Variants in WDR44 observed in about 807,000 individuals in gnomAD.
WDR44 encodes WD repeat domain 44, also known as WD repeat-containing protein 44.
A neutral mutation model predicts 65.7 loss-of-function variants in WDR44; 9 were observed. The observed-to-expected ratio is 0.14, with a 90% CI of 0.08 to 0.24. The LOEUF is 0.24. Among genes scored for constraint, WDR44 ranks in the 10% least tolerant of loss-of-function variants. The probability of loss-of-function intolerance (pLI) is 1.00; values close to 1 mark genes in which losing one functional copy is unlikely to be tolerated. For synonymous variants in WDR44, 220 were observed against 235.2 expected (o/e 0.94, Z 0.59); for missense variants, 425 against 670.9 (o/e 0.63, Z 4.05).
intron 12 of WDR44, among the ~76,000 whole-genome samples, chrX:118,430,404 C>T (rs1213946000): frequency 1.4e-4 from 15 of 104,656 alleles, no homozygotes; most frequent in African/African-American, 4.5e-4. Flanking sequence ...TAGCCAGGCA[C>T]GGTGGCAGGC....
At chrX:118,444,289 T>C in intron 18 of WDR44, 71 bp from the exon 19 acceptor site, 1 of 1,081,749 alleles carries the variant, frequency 9.2e-7, no homozygotes, top group Non-Finnish European at 1.2e-6. Context: ...ATATTTGGCA[T>C]ATAACATACA....
At chrX:118,447,000 G>A (rs1215911076) in intron 19 of WDR44, 1 of 301,337 alleles carries the variant, frequency 3.3e-6, no homozygotes, top group Non-Finnish European at 6.2e-6. Context: ...ATCCCGAGTA[G>A]CTAGGACTAC....
intron 12 of WDR44, among the ~76,000 whole-genome samples, chrX:118,432,038 A>G (rs1602966642): frequency 8.9e-6 from 1 of 111,934 alleles, no homozygotes; most frequent in East Asian, 2.8e-4. Context: ...CATGTATGGC[A>G]TTATTTTCTA....
intron 12 of WDR44, among the ~76,000 whole-genome samples, chrX:118,412,303 G>C (rs1354204027): frequency 9.0e-6 from 1 of 111,633 alleles, no homozygotes; most frequent in Non-Finnish European, 1.9e-5. Flanking sequence ...ATGACTTTTT[G>C]TGATGAACCA....
intron 19 of WDR44, among the ~76,000 whole-genome samples, chrX:118,447,951 A>G (rs1383784583): frequency 1.0e-5 from 1 of 100,246 alleles, no homozygotes; most frequent in Admixed American, 1.1e-4. Flanking sequence ...AATGCCTGGC[A>G]TGTAGTAGGC....
chrX:118,398,530 C>G (rs2056885444), intron 8 of WDR44, 60 bp downstream of exon 8: 2 of 940,855 alleles, frequency 2.1e-6, no homozygotes, highest in Non-Finnish European at 3.0e-6. Context: ...AATATGAGAA[C>G]TACCATACTA....
chrX:118,433,490 T>A (rs1425963381), intron 13 of WDR44, among the ~76,000 whole-genome samples: 4 of 111,822 alleles, frequency 3.6e-5, no homozygotes, highest in African/African-American at 1.3e-4. Flanking sequence ...TTTTACCACC[T>A]GGTTAAGAAA....
chrX:118,449,297 C>T lies in WDR44; in HGVS notation c.*310C>T. The T allele has an allele frequency of 7.6e-6, 1 of 132,174 alleles. No individual in the cohort carries two copies. The allele number at this position is 132,174 out of a possible 1,213,427, so 10.9% of individuals were successfully genotyped here. ...TTAATATATTAATCACATGTATGTG[C>T]CTTTTGGTTACATGCATTAAATCTA... On this transcript the variant is annotated 3_prime_UTR_variant, in exon 20 of 20. Coordinates refer to ENST00000254029, the MANE Select transcript of WDR44 (RefSeq NM_019045.5).
At position 118,392,828 on chromosome X, in the gene WDR44, A is replaced by G; in HGVS notation, c.383A>G (p.Asn128Ser). The stretch of plus-strand genomic sequence containing the variant: ...GAATCCCAAAAGGCAGAGAGTCAGA[A>G]TACATTTGAAGAGACTGAATTAGAA... ...PEESQKAESQ[N>S]TFEETELELK... The change falls in exon 4 of 20, where the codon AAT (asparagine) becomes AGT (serine). Residue 128 changes from asparagine (N) to serine (S), a missense_variant. By Grantham distance (46) the Asn-to-Ser change is conservative. Transcript: ENST00000254029. 8.3e-7 allele frequency: 1 copy of G among 1,212,102 alleles called. No homozygotes were observed. The highest frequency in any genetic ancestry group is 1.1e-6 in the Non-Finnish European group (1 of 895,567).
At chrX:118,357,144 A>G (rs1195054230) in intron 1 of WDR44, among the ~76,000 whole-genome samples, 5 of 111,268 alleles carry the variant, frequency 4.5e-5, no homozygotes, top group African/African-American at 1.6e-4. Flanking sequence ...TATATATTTC[A>G]TTAGAAAAAG....
chrX:118,411,703 T>G (rs2057014523), intron 12 of WDR44, among the ~76,000 whole-genome samples: 1 of 112,268 alleles, frequency 8.9e-6, no homozygotes, highest in South Asian at 3.7e-4. Flanking sequence ...CCATTTTCAA[T>G]AGACATATTT....
At chrX:118,352,352 A>ATTTTTTTTTTTTTTTT (rs556374639) in intron 1 of WDR44, among the ~76,000 whole-genome samples, 2 of 14,224 alleles carry the variant, frequency 1.4e-4, no homozygotes, top group East Asian at 4.0e-3. Context: ...ATATATATAT[A>ATTTTTTTTTTTTTTTT]TTTTTTTTTT....
chrX:118,347,601 C>G (rs2056364082), intron 1 of WDR44, among the ~76,000 whole-genome samples: 1 of 112,161 alleles, frequency 8.9e-6, no homozygotes, highest in Non-Finnish European at 1.9e-5. Flanking sequence ...TAATATGGTT[C>G]GAGAAGTTCA....
intron 8 of WDR44, among the ~76,000 whole-genome samples, chrX:118,399,949 A>G (rs2056897063): frequency 9.0e-6 from 1 of 110,813 alleles, no homozygotes; most frequent in Non-Finnish European, 1.9e-5. Context: ...TTAGCCAGGC[A>G]TGGTGGCACA....
intron 14 of WDR44, among the ~76,000 whole-genome samples, chrX:118,438,771 A>G (rs1183029668): frequency 1.3e-5 from 1 of 75,900 alleles, no homozygotes. Context: ...GTATTTTATT[A>G]TTTATTAAAC....
intron 12 of WDR44, among the ~76,000 whole-genome samples, chrX:118,423,367 C>G (rs2057121072): frequency 9.0e-6 from 1 of 111,164 alleles, no homozygotes. Context: ...CGGAGTTTCA[C>G]CATGTTGATC....
At chrX:118,439,064 A>G (rs1009130882) in intron 14 of WDR44, among the ~76,000 whole-genome samples, 15 of 107,674 alleles carry the variant, frequency 1.4e-4, no homozygotes, top group African/African-American at 4.4e-4. Flanking sequence ...GGAATTACAG[A>G]CGTGAGCCAC....
At chrX:118,378,709 C>CGTGTGTGTGTGTGT (rs61698360) in intron 2 of WDR44, among the ~76,000 whole-genome samples, 1,904 of 94,424 alleles carry the variant, frequency 0.02, 40 homozygotes, top group Middle Eastern at 0.053. Flanking sequence ...AATAAAAGAA[C>CGTGTGTGTGTGTGT]GTGTGTGTGT....
At chrX:118,411,971 C>T (rs1202526217) in intron 12 of WDR44, among the ~76,000 whole-genome samples, 1 of 112,325 alleles carries the variant, frequency 8.9e-6, no homozygotes, top group African/African-American at 3.2e-5. Flanking sequence ...GACATATTCT[C>T]TGTCCTCAGG....
Sources: allele counts gnomAD v4.1 joint callset (sites outside exome capture counted in the v4.1 genomes callset), GRCh38; gene constraint gnomAD v4.1.1; transcripts MANE v1.5; gene names NCBI Gene and HGNC (gene_info 2026-07-23, HGNC 2026-07-21).